DMD: variants seen among roughly 807,000 people sequenced by gnomAD.
DMD encodes dystrophin.
DMD carries 63 observed loss-of-function variants against 330.1 expected under a neutral mutation model. The observed-to-expected ratio is 0.19, with a 90% confidence interval of 0.16 to 0.24. The LOEUF is 0.24. DMD is among the 10% of genes least tolerant of loss of function. The pLI is 1.00. For missense variants in DMD, 3,344 were observed against 2,684.1 expected, an observed-to-expected ratio of 1.25 and a Z score of -5.43; for synonymous variants, 1,223 against 959.8, an observed-to-expected ratio of 1.27 and a Z score of -5.07.
At chrX:31,407,647 A>AT (rs67528413) in intron 60 of DMD, among the ~76,000 whole-genome samples, 17 of 93,064 alleles carry the variant, frequency 1.8e-4, no homozygotes, top group Non-Finnish European at 2.3e-4. Context: ...AATTTTTTGT[A>AT]TTTTTTTTTT....
At chrX:31,884,267 G>A (rs770967405) in intron 47 of DMD, among the ~76,000 whole-genome samples, 5 of 111,479 alleles carry the variant, frequency 4.5e-5, no homozygotes, top group Non-Finnish European at 7.5e-5. Flanking sequence ...ATAAATGAAC[G>A]GTTAAAGAAA....
At chrX:31,522,363 C>CTCTCTCTCTCTA in intron 55 of DMD, among the ~76,000 whole-genome samples, 6 of 35,964 alleles carry the variant, frequency 1.7e-4, no homozygotes, top group Non-Finnish European at 2.1e-4. Flanking sequence ...CTCTCTCTCT[C>CTCTCTCTCTCTA]TATATATATA....
At chrX:31,269,347 ATATTATTAT>A (rs1010272916) in intron 62 of DMD, among the ~76,000 whole-genome samples, 1 of 110,663 alleles carries the variant, frequency 9.0e-6, no homozygotes, top group Non-Finnish European at 1.9e-5. Context: ...CCTTCTGATT[ATATTATTAT>A]TATTATTATT....
At chrX:31,808,085 G>A (rs1156713814) in intron 50 of DMD, among the ~76,000 whole-genome samples, 3 of 112,001 alleles carry the variant, frequency 2.7e-5, no homozygotes, top group Non-Finnish European at 3.8e-5. Flanking sequence ...GCATTAATGC[G>A]TGTTAGCCCT....
At chrX:32,132,993 C>CTTTTTTTTTTTTTTTTTTTTTTTTTT (rs377615262) in intron 44 of DMD, among the ~76,000 whole-genome samples, 5 of 75,977 alleles carry the variant, frequency 6.6e-5, no homozygotes, top group African/African-American at 2.8e-4. Flanking sequence ...CTTTTCTTTT[C>CTTTTTTTTTTTTTTTTTTTTTTTTTT]TTTTTTTTTT....
At chrX:31,591,508 T>G (rs747579219) in intron 55 of DMD, among the ~76,000 whole-genome samples, 1 of 111,698 alleles carries the variant, frequency 9.0e-6, no homozygotes, top group Non-Finnish European at 1.9e-5. Flanking sequence ...TTTGCATTTT[T>G]GTTCATTTAG....
chrX:31,687,720 G>A (rs1480315440), intron 52 of DMD, among the ~76,000 whole-genome samples: 1 of 111,987 alleles, frequency 8.9e-6, no homozygotes, highest in Non-Finnish European at 1.9e-5. Context: ...GATATGCCCG[G>A]GGCCTAAGAT....
intron 50 of DMD, among the ~76,000 whole-genome samples, chrX:31,788,949 T>C (rs2091440836): frequency 9.0e-6 from 1 of 110,966 alleles, no homozygotes; most frequent in South Asian, 3.8e-4. Context: ...ATCTCTTCTA[T>C]TTCAGTCAAC....
At chrX:32,292,196 C>G (rs1192231721) in intron 42 of DMD, among the ~76,000 whole-genome samples, 1 of 110,063 alleles carries the variant, frequency 9.1e-6, no homozygotes, top group Non-Finnish European at 1.9e-5. Flanking sequence ...AACATCTTGC[C>G]CTGAGATGCT....
intron 29 of DMD, among the ~76,000 whole-genome samples, chrX:32,419,605 T>G (rs189953643): frequency 3.6e-5 from 4 of 112,163 alleles, no homozygotes; most frequent in African/African-American, 6.5e-5. Context: ...GCTTCTAGAT[T>G]TATGTTTTGT....
intron 7 of DMD, among the ~76,000 whole-genome samples, chrX:32,779,481 A>G (rs2074494697): frequency 9.0e-6 from 1 of 110,625 alleles, no homozygotes; most frequent in African/African-American, 3.3e-5. Flanking sequence ...AGACATTTTT[A>G]AAGTTATCTT....
chrX:33,021,741 A>C (rs1402476207), intron 1 of DMD, among the ~76,000 whole-genome samples: 1 of 111,867 alleles, frequency 8.9e-6, no homozygotes, highest in East Asian at 2.8e-4. Context: ...TAGCATTACA[A>C]AATACATTTT....
At chrX:32,942,240 G>T (rs1374178981) in intron 2 of DMD, among the ~76,000 whole-genome samples, 1 of 112,189 alleles carries the variant, frequency 8.9e-6, no homozygotes, top group Non-Finnish European at 1.9e-5. Flanking sequence ...ATTACTGAGT[G>T]TAAGAAAAGA....
rs761750882 is a variant in DMD, at chrX:31,478,298, C to A, written c.8745G>T (p.Trp2915Cys). The change falls in exon 59 of 79, where the codon TGG (tryptophan) becomes TGT (cysteine). Residue 2915 changes from tryptophan (W) to cysteine (C), a missense_variant. By Grantham distance (215) the Trp-to-Cys change is radical (BLOSUM62 -2). Transcript: ENST00000357033. ...RKQAEEVNTEWEKLNLHSADW... is the reference protein window; with the variant it reads ...RKQAEEVNTECEKLNLHSADW... ...CAGCGGAGTGCAGGTTCAATTTTTC[C>A]CACTCAGTATTGACCTCCTCAGCCT... 2.5e-6 allele frequency: 3 copies of A among 1,209,314 alleles called. No individual in the cohort carries two copies. The highest frequency in any genetic ancestry group is 2.2e-5 in the Admixed American group (1 of 45,589).
chrX:31,684,952 G>A (rs754499396), intron 52 of DMD, among the ~76,000 whole-genome samples: 6 of 112,077 alleles, frequency 5.4e-5, no homozygotes, highest in African/African-American at 1.9e-4. Flanking sequence ...GTAAACAAAG[G>A]TCTCCTAGGA....
At chrX:32,325,284 C>A (rs967166654) in intron 41 of DMD, among the ~76,000 whole-genome samples, 3 of 110,689 alleles carry the variant, frequency 2.7e-5, no homozygotes, top group African/African-American at 9.8e-5. Context: ...CTTAATCTAC[C>A]TTTGTATTAA....
At chrX:33,264,548 C>T (rs947466413) in intron 1 of DMD, among the ~76,000 whole-genome samples, 1 of 110,779 alleles carries the variant, frequency 9.0e-6, no homozygotes, top group Non-Finnish European at 1.9e-5. Flanking sequence ...TCCTAGTTTA[C>T]CCTAGGATTA....
chrX:33,153,435 A>T (rs900946724), intron 1 of DMD, among the ~76,000 whole-genome samples: 1 of 112,575 alleles, frequency 8.9e-6, no homozygotes, highest in African/African-American at 3.2e-5. Flanking sequence ...AAACAAAACA[A>T]AACAAAACTG....
At chrX:32,609,513 A>C (rs142762831) in intron 12 of DMD, among the ~76,000 whole-genome samples, 5,468 of 111,084 alleles carry the variant, frequency 0.049, 134 homozygotes, top group South Asian at 0.072. Context: ...CCCATGTGCT[A>C]TAATGAGGGT....
Sources: gnomAD v4.1 joint callset for allele counts (sites outside exome capture counted in the v4.1 genomes callset) on GRCh38, gnomAD v4.1.1 for gene constraint, MANE v1.5 for transcripts, NCBI Gene and HGNC (gene_info 2026-07-23, HGNC 2026-07-21) for gene names.